The following IL1RAPL2 variants were observed in gnomAD, a reference collection of about 807,000 sequenced individuals.
IL1RAPL2 encodes the protein X-linked interleukin-1 receptor accessory protein-like 2.
Under a neutral mutation model 44.1 loss-of-function variants are expected in IL1RAPL2, and 3 were observed. The ratio of observed to expected loss-of-function variants is 0.07; its 90% CI spans 0.03 to 0.18. The LOEUF is 0.18. Ranked by LOEUF, IL1RAPL2 falls within the 10% of genes least tolerant of loss-of-function variation. The pLI, the probability that IL1RAPL2 is intolerant of heterozygous loss-of-function variation, is 1.00. For missense variants in IL1RAPL2, 391 were observed against 496.4 expected (o/e 0.79, Z 2.02); for synonymous variants, 181 against 178.8 (o/e 1.01, Z -0.10).
At chrX:104,958,932 A>G (rs1430595608) in intron 2 of IL1RAPL2, among the ~76,000 whole-genome samples, 3 of 110,437 alleles carry the variant, frequency 2.7e-5, no homozygotes, top group Non-Finnish European at 5.7e-5. Context: ...ACTACGATAC[A>G]TATCCTGAGG....
intron 2 of IL1RAPL2, among the ~76,000 whole-genome samples, chrX:104,734,388 A>G (rs1195826418): frequency 1.8e-5 from 2 of 112,746 alleles, no homozygotes; most frequent in Admixed American, 1.9e-4. Context: ...CCAATTGGAA[A>G]CAACTCAAAT....
At chrX:105,458,703 G>T (rs1275897286) in intron 5 of IL1RAPL2, among the ~76,000 whole-genome samples, 3 of 111,548 alleles carry the variant, frequency 2.7e-5, no homozygotes, top group African/African-American at 9.8e-5. Flanking sequence ...AATTCCCATT[G>T]ATGGTGTCAC....
intron 2 of IL1RAPL2, among the ~76,000 whole-genome samples, chrX:105,025,034 C>T (rs745980450): frequency 1.8e-5 from 2 of 109,720 alleles, no homozygotes; most frequent in South Asian, 7.9e-4. Flanking sequence ...GAACTTACAA[C>T]GTTTTCCACT....
At chrX:105,747,592 T>C (rs1321896018) in intron 8 of IL1RAPL2, among the ~76,000 whole-genome samples, 2 of 105,437 alleles carry the variant, frequency 1.9e-5, no homozygotes, top group Non-Finnish European at 3.9e-5. Context: ...ATATATTCTT[T>C]TTTATAAAAT....
chrX:104,582,634 T>TTC (rs1928394065), intron 1 of IL1RAPL2, among the ~76,000 whole-genome samples: 1 of 87,596 alleles, frequency 1.1e-5, no homozygotes, highest in African/African-American at 5.6e-5. Context: ...CTTTCTTTCT[T>TTC]TCTTTCTCTC....
chrX:105,005,223 A>G (rs927718149), intron 2 of IL1RAPL2, among the ~76,000 whole-genome samples: 1 of 111,588 alleles, frequency 9.0e-6, no homozygotes, highest in African/African-American at 3.2e-5. Flanking sequence ...GAGAAGAACA[A>G]AGATTTTACC....
At chrX:104,905,879 A>G (rs945362041) in intron 2 of IL1RAPL2, among the ~76,000 whole-genome samples, 6 of 110,576 alleles carry the variant, frequency 5.4e-5, no homozygotes, top group South Asian at 3.9e-4. Context: ...CATTGAATCT[A>G]TAAATTACCT....
intron 2 of IL1RAPL2, among the ~76,000 whole-genome samples, chrX:104,693,764 C>T (rs1239878928): frequency 1.8e-5 from 2 of 111,954 alleles, no homozygotes; most frequent in Non-Finnish European, 3.8e-5. Context: ...ATAAAACATT[C>T]AGCCATCCAG....
intron 1 of IL1RAPL2, among the ~76,000 whole-genome samples, chrX:104,626,296 A>ATG (rs1296598341): frequency 1.4e-5 from 1 of 72,289 alleles, no homozygotes; most frequent in African/African-American, 7.8e-5. Context: ...TGACTGTCTC[A>ATG]TGCGTGTGTG....
chrX:104,647,177 A>G, intron 1 of IL1RAPL2: 1 of 306,789 alleles, frequency 3.3e-6, no homozygotes, highest in Non-Finnish European at 6.1e-6. Flanking sequence ...GTCAGCCTGC[A>G]GAGGTGCAGG....
chrX:105,388,403 A>T (rs1409954123), intron 5 of IL1RAPL2, among the ~76,000 whole-genome samples: 22 of 90,835 alleles, frequency 2.4e-4, no homozygotes, highest in African/African-American at 9.9e-4. Flanking sequence ...ATGATTCAAC[A>T]CTAATACCAT....
intron 2 of IL1RAPL2, among the ~76,000 whole-genome samples, chrX:104,768,403 C>T (rs1162009868): frequency 9.0e-6 from 1 of 111,466 alleles, no homozygotes; most frequent in Non-Finnish European, 1.9e-5. Context: ...ATAGTAATCA[C>T]CTGGAAACAT....
At chrX:105,161,028 C>G (rs1342927615) in intron 2 of IL1RAPL2, among the ~76,000 whole-genome samples, 1 of 110,648 alleles carries the variant, frequency 9.0e-6, no homozygotes, top group Non-Finnish European at 1.9e-5. Context: ...TTGCTTGAGG[C>G]CAGCAGTTTG....
chrX:105,407,238 T>C (rs905147881), intron 5 of IL1RAPL2, among the ~76,000 whole-genome samples: 6 of 111,077 alleles, frequency 5.4e-5, no homozygotes, highest in African/African-American at 2.0e-4. Context: ...CATATTCTGA[T>C]TTTTAACAGA....
intron 1 of IL1RAPL2, among the ~76,000 whole-genome samples, chrX:104,642,025 G>T (rs1271004587): frequency 9.0e-6 from 1 of 111,159 alleles, no homozygotes; most frequent in Non-Finnish European, 1.9e-5. Flanking sequence ...GGGGGTCAAG[G>T]GGTTCTCCCA....
intron 2 of IL1RAPL2, among the ~76,000 whole-genome samples, chrX:104,726,420 AGTCAGT>A (rs1312232952): frequency 5.4e-5 from 6 of 111,596 alleles, no homozygotes; most frequent in Non-Finnish European, 9.4e-5. Flanking sequence ...CTGTGAAGAA[AGTCAGT>A]GTTAGCTTGA....
intron 2 of IL1RAPL2, among the ~76,000 whole-genome samples, chrX:105,031,752 A>G (rs186235614): frequency 5.4e-5 from 6 of 111,537 alleles, no homozygotes; most frequent in Admixed American, 9.5e-5. Flanking sequence ...GATGATGCTG[A>G]CCTCATAAAA....
At chrX:104,963,572 A>T (rs1484337685) in intron 2 of IL1RAPL2, among the ~76,000 whole-genome samples, 3 of 111,473 alleles carry the variant, frequency 2.7e-5, no homozygotes, top group African/African-American at 9.8e-5. Context: ...GAGGGTAGTA[A>T]ATAGATTTCC....
chrX:105,729,543 T>A (rs749929759), intron 7 of IL1RAPL2, among the ~76,000 whole-genome samples: 2 of 111,157 alleles, frequency 1.8e-5, no homozygotes, highest in Non-Finnish European at 3.8e-5. Context: ...TTAAATTAGG[T>A]TGTTAGTTTT....
Sources: gnomAD v4.1 joint callset for allele counts (sites outside exome capture counted in the v4.1 genomes callset) on GRCh38, gnomAD v4.1.1 for gene constraint, MANE v1.5 for transcripts, NCBI Gene and HGNC (gene_info 2026-07-23, HGNC 2026-07-21) for gene names.